ADH1C: variants seen among roughly 807,000 people sequenced by gnomAD.
The protein encoded by ADH1C is alcohol dehydrogenase 1C.
Under a neutral mutation model 35.0 loss-of-function variants are expected in ADH1C, and 26 were observed. That is an observed-to-expected ratio of 0.74 (90% CI 0.54 to 1.03). The LOEUF (loss-of-function observed/expected upper bound fraction) is 1.03, where lower values mean the gene tolerates loss of function less well. Among genes scored for constraint, ADH1C ranks in the 50% least tolerant of loss-of-function variants. The pLI is 0.00. For synonymous variants in ADH1C, 170 were observed against 169.3 expected, an observed-to-expected ratio of 1.00 and a Z score of -0.03; for missense variants, 413 against 465.4, an observed-to-expected ratio of 0.89 and a Z score of 1.04.
chr4:99,352,548 T>G, intron 1 of ADH1C, 110 bp downstream of exon 1: 2 of 825,148 alleles, frequency 2.4e-6, no homozygotes, highest in Non-Finnish European at 3.7e-6. Context: ...ATTCATCATC[T>G]AATTTAGATA....
chr4:99,340,426 A>G (rs930579493), intron 7 of ADH1C, 149 bp downstream of exon 7: 89 of 1,005,312 alleles, frequency 8.9e-5, no homozygotes, highest in Non-Finnish European at 1.2e-4. Context: ...AAAAATAAAA[A>G]AGAAAAGTTC....
At chr4:99,341,285 C>T (rs185174268) in intron 6 of ADH1C, among the ~76,000 whole-genome samples, 224 of 152,254 alleles carry the variant, frequency 1.5e-3, no homozygotes, top group African/African-American at 5.3e-3. Context: ...ATTTGGGAAC[C>T]TCAAAAGACA....
Position 99,342,844 on chromosome 4 carries a change from T to A in ADH1C, c.779A>T (p.Asp260Val). ...PIQEVLKEMT[D>V]GGVDFSFEVI... is the part of the protein sequence containing the mutation. Reference sequence around the variant, plus strand: ...TTCAAACGAAAAATCCACACCTCCATCAGTCATTTCCTTTAGCACTTCCTG... The same window carrying A: ...TTCAAACGAAAAATCCACACCTCCAACAGTCATTTCCTTTAGCACTTCCTG... The change falls in exon 6 of 9, where the codon GAT (aspartate) becomes GTT (valine). Residue 260 changes from aspartate to valine, a missense_variant. Coordinates refer to ENST00000515683, the MANE Select transcript of ADH1C (RefSeq NM_000669.5). The A allele has an allele frequency of 6.2e-7, 1 of 1,614,028 alleles. No individual in the cohort carries two copies. The highest frequency in any genetic ancestry group is 8.5e-7 in the Non-Finnish European group (1 of 1,179,904).
At chr4:99,345,394 C>T (rs987890698) in intron 3 of ADH1C, 128 bp from the exon 4 acceptor site, 2 of 983,268 alleles carry the variant, frequency 2.0e-6, no homozygotes, top group East Asian at 2.6e-5. Context: ...GGTCTAGTCA[C>T]AACTATGTCA....
At chr4:99,338,104 A>T (rs1453624810) in intron 8 of ADH1C, among the ~76,000 whole-genome samples, 1 of 151,736 alleles carries the variant, frequency 6.6e-6, no homozygotes, top group Non-Finnish European at 1.5e-5. Context: ...TCCCAAAAGG[A>T]TGTATCAATT....
chr4:99,345,522 T>G (rs1734513001), intron 3 of ADH1C, among the ~76,000 whole-genome samples: 1 of 152,228 alleles, frequency 6.6e-6, no homozygotes, highest in African/African-American at 2.4e-5. Context: ...CCATCAACTG[T>G]GTTAATAAAA....
intron 1 of ADH1C, 99 bp downstream of exon 1, chr4:99,352,559 T>C (rs534583312): frequency 6.0e-6 from 6 of 1,002,862 alleles, no homozygotes; most frequent in Admixed American, 4.8e-5. Context: ...AATTTAGATA[T>C]GAATTTTAAA....
intron 1 of ADH1C, among the ~76,000 whole-genome samples, chr4:99,349,591 C>T (rs1029711863): frequency 6.6e-6 from 1 of 152,186 alleles, no homozygotes; most frequent in African/African-American, 2.4e-5. Context: ...TATACATTTA[C>T]CTTCCTGCTT....
In ADH1C at chr4:99,342,978, A is replaced by C. The variant is rs754228249; in HGVS notation, c.645T>G (p.Ala215=). 4 of 1,614,222 alleles carry C rather than the reference A, an allele frequency of 2.5e-6. No individual in the cohort carries two copies. In the South Asian group the frequency reaches 3.3e-5, roughly 13 times the overall value. The change falls in exon 6 of 9, where the codon GCT becomes GCG. Residue 215 remains alanine (A), a synonymous_variant. Coordinates refer to ENST00000515683, the MANE Select transcript of ADH1C (RefSeq NM_000669.5). ...GLSVVMGCKA[A]GAARIIAVDI... is the part of the protein sequence containing the mutation. ...CCACAGCAATGATTCTGGCTGCTCCAGCTGCTTTACAGCCCATAACAACAG... is the reference window on the plus strand; with the variant it reads ...CCACAGCAATGATTCTGGCTGCTCCCGCTGCTTTACAGCCCATAACAACAG...
At position 99,338,393 on chromosome 4, in the gene ADH1C, TTCTATATATATATATATATA is replaced by T. The variant is rs1436157123; in HGVS notation, c.1103+1164_1103+1183del. On this transcript the variant is annotated intron_variant, in intron 8 of 8. Coordinates refer to ENST00000515683, the MANE Select transcript of ADH1C (RefSeq NM_000669.5). ...TAATTAACCTTTGATGAATACTGTT[TTCTATATATATATATATATA>T]TATATATATATATATATATATATAT... Among the ~76,000 whole-genome samples, 3 of 73,098 alleles carry T rather than the reference TTCTATATATATATATATATA, an allele frequency of 4.1e-5. 1 individual carries two copies. The highest frequency in any genetic ancestry group is 1.6e-4 in the African/African-American group (3 of 18,330). 48.0% of individuals were successfully genotyped at this position (73,098 alleles called of 152,430 possible).
At position 99,340,623 on chromosome 4, in the gene ADH1C, G is replaced by C. The variant is rs759663608; in HGVS notation, c.916C>G (p.Pro306Ala). The C allele has an allele frequency of 6.2e-7, 1 of 1,613,980 alleles. No homozygotes were observed. The highest frequency in any genetic ancestry group is 1.1e-5 in the South Asian group (1 of 91,064). Reference sequence around the variant, plus strand: ...GTGCGTCCAGTCAGTAGCAGCATAGGGTTTATTGAGAGGTTCTGGGAATCA... The same window carrying C: ...GTGCGTCCAGTCAGTAGCAGCATAGCGTTTATTGAGAGGTTCTGGGAATCA... The part of the protein sequence containing the change: ...PPDSQNLSIN[P>A]MLLLTGRTWK... The change falls in exon 7 of 9, where the codon CCT (proline) becomes GCT (alanine). Residue 306 changes from proline to alanine, a missense_variant. By Grantham distance (27) the Pro-to-Ala change is conservative. Coordinates refer to ENST00000515683, the MANE Select transcript of ADH1C (RefSeq NM_000669.5).
At chr4:99,339,160 G>T (rs959012458) in intron 8 of ADH1C, among the ~76,000 whole-genome samples, 1 of 152,062 alleles carries the variant, frequency 6.6e-6, no homozygotes, top group Non-Finnish European at 1.5e-5. Flanking sequence ...TGCTGAGGAT[G>T]TCCTGAAAAT....
At chr4:99,348,252 A>G (rs1734588448) in intron 1 of ADH1C, among the ~76,000 whole-genome samples, 1 of 146,800 alleles carries the variant, frequency 6.8e-6, no homozygotes, top group Admixed American at 6.8e-5. Flanking sequence ...CATTAGGTAT[A>G]TCTCCCAATG....
In ADH1C at chr4:99,336,767, G is replaced by A. The variant is rs774484394; in HGVS notation, c.1113C>T (p.Thr371=). The change falls in exon 9 of 9, where the codon ACC becomes ACT. Residue 371 remains threonine (T), a synonymous_variant. Transcript: ENST00000515683. ...CTGTATTGTTTCAAAACGTCAGGACGGTACGGATACTGCAATAGGAAAGAA... is the reference window on the plus strand; with the variant it reads ...CTGTATTGTTTCAAAACGTCAGGACAGTACGGATACTGCAATAGGAAAGAA... ...DLLRSGKSIR[T]VLTF The A allele has an allele frequency of 7.0e-5, 113 of 1,613,558 alleles. 1 individual carries two copies. The highest frequency in any genetic ancestry group is 6.1e-4 in the South Asian group (56 of 91,078).
chr4:99,344,880 A>C lies in ADH1C; in HGVS notation c.549T>G (p.Ser183=). 1.2e-6 allele frequency: 2 copies of C among 1,614,218 alleles called. No individual in the cohort carries two copies. Among genetic ancestry groups the C allele is most frequent in the Non-Finnish European group, 1.7e-6 (2 of 1,180,048 alleles). Residue 183 remains serine (S), a synonymous_variant, in exon 5 of 9, where the codon TCT becomes TCG. Transcript: ENST00000515683. ...TTTCTACCTTGGCAACTTTGACTGC[A>C]GACCCATAACCAGTCGAAAATCCAC... ...IGCGFSTGYG[S]AVKVAKVTPG...
intron 1 of ADH1C, 84 bp downstream of exon 1, chr4:99,352,574 A>G: frequency 8.2e-7 from 1 of 1,213,870 alleles, no homozygotes; most frequent in South Asian, 1.5e-5. Context: ...TTTAAATTTT[A>G]AATTATTCAT....
At chr4:99,351,116 A>G (rs370559677) in intron 1 of ADH1C, 11 of 152,262 alleles carry the variant, frequency 7.2e-5, no homozygotes, top group African/African-American at 2.2e-4. Context: ...AACCTGGGCA[A>G]TAGAAAGATA....
intron 5 of ADH1C, among the ~76,000 whole-genome samples, chr4:99,343,572 T>A (rs1734463465): frequency 1.3e-5 from 2 of 152,342 alleles, no homozygotes; most frequent in East Asian, 3.9e-4. Flanking sequence ...TAACTCTCAA[T>A]AATTAACTCC....
intron 6 of ADH1C, among the ~76,000 whole-genome samples, chr4:99,342,399 G>A (rs994188495): frequency 7.9e-5 from 12 of 152,064 alleles, no homozygotes; most frequent in Non-Finnish European, 1.3e-4. Context: ...TTTGGAATTC[G>A]TTAAGAGCAT....
Sources: allele counts gnomAD v4.1 joint callset (sites outside exome capture counted in the v4.1 genomes callset), GRCh38; gene constraint gnomAD v4.1.1; transcripts MANE v1.5; gene names NCBI Gene and HGNC (gene_info 2026-07-23, HGNC 2026-07-21).